Variants in PLEKHO1 observed in about 807,000 individuals in gnomAD.
The protein encoded by PLEKHO1 is pleckstrin homology domain containing O1.
In PLEKHO1, 22 loss-of-function variants were observed where a neutral mutation model predicts 41.4. The ratio of observed to expected loss-of-function variants is 0.53; its 90% confidence interval spans 0.38 to 0.76. PLEKHO1 has a LOEUF of 0.76. Ranked by LOEUF, PLEKHO1 falls within the 30% of genes least tolerant of loss-of-function variation. The probability of loss-of-function intolerance (pLI) is 0.00; values close to 1 mark genes in which losing one functional copy is unlikely to be tolerated. For synonymous variants in PLEKHO1, 225 were observed against 210.8 expected (o/e 1.07, Z -0.58); for missense variants, 488 against 518.3 (o/e 0.94, Z 0.57).
intron 3 of PLEKHO1, 33 bp from the exon 4 acceptor site, chr1:150,156,878 A>G: frequency 7.6e-7 from 1 of 1,323,962 alleles, no homozygotes; most frequent in Non-Finnish European, 1.1e-6. Context: ...CACCTCTAAA[A>G]CCCTGGCTGA....
chr1:150,150,700 G>A lies in PLEKHO1; in HGVS notation c.31-212G>A, dbSNP rs7518016. 4,992 of 544,504 alleles carry A rather than the reference G, an allele frequency of 9.2e-3. 188 individuals carry two copies. The highest frequency in any genetic ancestry group is 0.084 in the African/African-American group (4,336 of 51,788). 33.7% of individuals were successfully genotyped at this position (544,504 alleles called of 1,614,324 possible). ...CGGCGCCCCTGCCACTTGCAGCCCC[G>A]GTTGTTTATTCGGGAGCGGGGGAGG... On this transcript the variant is annotated intron_variant, in intron 1 of 5. Transcript: ENST00000369124.
At chr1:150,153,232 C>T (rs1034158001) in intron 2 of PLEKHO1, among the ~76,000 whole-genome samples, 1 of 152,140 alleles carries the variant, frequency 6.6e-6, no homozygotes, top group Non-Finnish European at 1.5e-5. Context: ...CTGTCGCCCA[C>T]GCTGGAGTGC....
Position 150,159,148 on chromosome 1 carries a change from C to T in PLEKHO1, c.855C>T (p.Arg285=), listed in dbSNP as rs377138732. 3 of 1,611,536 alleles carry T rather than the reference C, an allele frequency of 1.9e-6. No homozygotes were observed. In the African/African-American group the frequency reaches 4.0e-5, roughly 22 times the overall value. The part of the protein sequence containing the change: ...ILSQRDAASA[R]TLQLRAEEPP... Reference sequence around the variant, plus strand: ...CTCAGCGGGATGCTGCCTCTGCCCGCACCCTCCAGCTGCGGGCTGAGGAAC... The same window carrying T: ...CTCAGCGGGATGCTGCCTCTGCCCGTACCCTCCAGCTGCGGGCTGAGGAAC... Residue 285 remains arginine, a synonymous_variant, in exon 6 of 6, where the codon CGC becomes CGT. Transcript: ENST00000369124.
rs1553821698 is a variant in PLEKHO1, at chr1:150,159,526, G to T, written c.*3G>T. On this transcript the variant is annotated 3_prime_UTR_variant, in exon 6 of 6. Coordinates refer to ENST00000369124, the MANE Select transcript of PLEKHO1 (RefSeq NM_016274.6). ...AGTACCGGAAGAGCCTGATGTGAGG[G>T]CAGGGTGGGGTCTGGAACTTGTCGG... is the stretch of plus-strand genomic sequence containing the variant. 1 of 1,576,714 alleles carries T rather than the reference G, an allele frequency of 6.3e-7. No individual in the cohort carries two copies. Among genetic ancestry groups the T allele is most frequent in the Admixed American group, 1.8e-5 (1 of 55,852 alleles).
rs1660300451 is a variant in PLEKHO1, at chr1:150,158,991, C to T, written c.698C>T (p.Ser233Phe). 6.2e-7 allele frequency: 1 copy of T among 1,614,206 alleles called. No homozygotes were observed. The highest frequency in any genetic ancestry group is 1.3e-5 in the African/African-American group (1 of 75,074). The part of the protein sequence containing the change: ...RRADSDRIQP[S>F]ADRASSLSRP... Reference sequence around the variant, plus strand: ...GCGGACTCAGACCGCATCCAGCCCTCCGCAGACCGGGCAAGCAGTCTCTCC... The same window carrying T: ...GCGGACTCAGACCGCATCCAGCCCTTCGCAGACCGGGCAAGCAGTCTCTCC... Residue 233 changes from serine to phenylalanine, a missense_variant, in exon 6 of 6, where the codon TCC becomes TTC. Transcript: ENST00000369124.
chr1:150,157,402 C>T lies in PLEKHO1; in HGVS notation c.441C>T (p.Asp147=). ...CTCTTCAGGTCACCGTTGAGGAGGA[C>T]AGCTATCTTGCCCATCCCACTCGAG... The part of the protein sequence containing the change: ...RILDEVTVEE[D]SYLAHPTRDR... Residue 147 remains aspartate (D), a synonymous_variant, in exon 5 of 6, where the codon GAC becomes GAT. Coordinates refer to ENST00000369124, the MANE Select transcript of PLEKHO1 (RefSeq NM_016274.6). 1 of 1,613,624 alleles carries T rather than the reference C, an allele frequency of 6.2e-7. No homozygotes were observed. The highest frequency in any genetic ancestry group is 8.5e-7 in the Non-Finnish European group (1 of 1,179,562).
chr1:150,150,723 A>G, intron 1 of PLEKHO1, 189 bp from the exon 2 acceptor site: 1 of 557,452 alleles, frequency 1.8e-6, no homozygotes, highest in Non-Finnish European at 3.2e-6. Flanking sequence ...GGAGCGGGGG[A>G]GGGGAGCGGG....
At position 150,157,501 on chromosome 1, in the gene PLEKHO1, A is replaced by C; in HGVS notation, c.525+15A>C. 6.4e-7 allele frequency: 1 copy of C among 1,560,410 alleles called. No homozygotes were observed. Among genetic ancestry groups the C allele is most frequent in the Non-Finnish European group, 8.8e-7 (1 of 1,131,740 alleles). The stretch of plus-strand genomic sequence containing the variant: ...TAATGGCTGTGGTATGTAAGACTGT[A>C]ATAAACATTGCCAAAGGGCCAATTC... On this transcript the variant is annotated intron_variant, in intron 5 of 5. Transcript: ENST00000369124.
chr1:150,152,150 T>TAC (rs371763771), intron 2 of PLEKHO1, among the ~76,000 whole-genome samples: 5 of 152,064 alleles, frequency 3.3e-5, no homozygotes, highest in African/African-American at 9.7e-5. Context: ...TATTGAAACA[T>TAC]ACACACACAC....
Position 150,159,229 on chromosome 1 carries a change from A to G in PLEKHO1, c.936A>G (p.Val312=), listed in dbSNP as rs1660325405. ...PGQLSRIQDL[V]ARKLEETQEL... ...AGCTGTCCCGGATCCAGGACCTGGT[A>G]GCAAGGAAACTGGAGGAGACTCAGG... Residue 312 remains valine (V), a synonymous_variant, in exon 6 of 6, where the codon GTA becomes GTG. Transcript: ENST00000369124. The G allele has an allele frequency of 6.2e-7, 1 of 1,614,036 alleles. No individual in the cohort carries two copies. Among genetic ancestry groups the G allele is most frequent in the African/African-American group, 1.3e-5 (1 of 74,920 alleles).
At position 150,151,067 on chromosome 1, in the gene PLEKHO1, C is replaced by T. The variant is rs782121103; in HGVS notation, c.177+9C>T. 5.6e-6 allele frequency: 9 copies of T among 1,613,772 alleles called. No individual in the cohort carries two copies. Among genetic ancestry groups the T allele is most frequent in the African/African-American group, 1.3e-5 (1 of 75,020 alleles). On this transcript the variant is annotated intron_variant, in intron 2 of 5. Coordinates refer to ENST00000369124, the MANE Select transcript of PLEKHO1 (RefSeq NM_016274.6). ...ACATCTCTGAGAAGGAGGTGGGTGC[C>T]TCTTGCCTCTAACTCTCCGTTTTCT...
chr1:150,159,101 G>C lies in PLEKHO1; in HGVS notation c.808G>C (p.Ala270Pro), dbSNP rs146874181. 12 of 1,613,376 alleles carry C rather than the reference G, an allele frequency of 7.4e-6. No homozygotes were observed. In the Admixed American group the frequency reaches 1.7e-4, roughly 22 times the overall value. Residue 270 changes from alanine to proline, a missense_variant, in exon 6 of 6, where the codon GCC (alanine) becomes CCC (proline). This residue lies in a region of PLEKHO1 where 337 missense variants were observed against 324.6 expected (regional missense o/e 1.04). Coordinates refer to ENST00000369124, the MANE Select transcript of PLEKHO1 (RefSeq NM_016274.6). ...KLTPTEKGRC[A>P]SLEEILSQRD... ...GACGCCCACAGAGAAAGGCCGCTGC[G>C]CCTCCCTGGAGGAGATCCTATCTCA...
At chr1:150,156,567 C>T (rs1320274162) in intron 3 of PLEKHO1, among the ~76,000 whole-genome samples, 2 of 152,090 alleles carry the variant, frequency 1.3e-5, no homozygotes, top group Non-Finnish European at 2.9e-5. Flanking sequence ...CTGAGGGAAC[C>T]CAGGGAAGTT....
At chr1:150,155,385 G>T (rs990459349) in intron 2 of PLEKHO1, 2 of 152,294 alleles carry the variant, frequency 1.3e-5, no homozygotes, top group Non-Finnish European at 2.9e-5. Context: ...CAGTACCTTA[G>T]AGGGAGGAGG....
chr1:150,156,538 T>C (rs1257569771), intron 3 of PLEKHO1, among the ~76,000 whole-genome samples: 1 of 152,254 alleles, frequency 6.6e-6, no homozygotes, highest in Non-Finnish European at 1.5e-5. Context: ...GTTGAAGTTC[T>C]GAATCTAATT....
At chr1:150,156,029 A>G in intron 2 of PLEKHO1, 37 bp from the exon 3 acceptor site, 1 of 1,593,624 alleles carries the variant, frequency 6.3e-7, no homozygotes, top group Non-Finnish European at 8.6e-7. Context: ...GGGCTAAATA[A>G]TTTTATCCTC....
At chr1:150,150,878 C>G in intron 1 of PLEKHO1, 34 bp from the exon 2 acceptor site, 2 of 1,607,876 alleles carry the variant, frequency 1.2e-6, no homozygotes, top group Non-Finnish European at 1.7e-6. Flanking sequence ...CTGGAATCTC[C>G]TAACCGCCCG....
intron 1 of PLEKHO1, 94 bp from the exon 2 acceptor site, chr1:150,150,818 G>C: frequency 8.1e-7 from 1 of 1,232,508 alleles, no homozygotes; most frequent in Non-Finnish European, 1.2e-6. Flanking sequence ...CTTCGGAGGA[G>C]ACTGGGCCGC....
At chr1:150,153,952 T>C (rs1660063123) in intron 2 of PLEKHO1, 2 of 152,044 alleles carry the variant, frequency 1.3e-5, no homozygotes, top group African/African-American at 4.8e-5. Flanking sequence ...ACAAGGCTGC[T>C]TGGCTTTGTC....
Sources: gnomAD v4.1 joint callset for allele counts (sites outside exome capture counted in the v4.1 genomes callset) on GRCh38, gnomAD v4.1.1 for gene constraint, gnomAD v4.1.1 regional missense constraint, MANE v1.5 for transcripts, NCBI Gene and HGNC (gene_info 2026-07-23, HGNC 2026-07-21) for gene names.